The following VRK2 variants were observed in gnomAD, a reference collection of about 807,000 sequenced individuals.
VRK2 encodes VRK serine/threonine kinase 2.
A neutral mutation model predicts 57.6 loss-of-function variants in VRK2; 60 were observed. That is an observed-to-expected ratio of 1.04 (90% CI 0.85 to 1.29). The LOEUF (loss-of-function observed/expected upper bound fraction) is 1.29. VRK2 is among the 50% of genes most tolerant of loss of function. The pLI, the probability that VRK2 is intolerant of heterozygous loss-of-function variation, is 0.00. For synonymous variants in VRK2, 231 were observed against 199.2 expected (o/e 1.16, Z -1.35); for missense variants, 705 against 588.1 (o/e 1.20, Z -2.06).
chr2:58,032,223 T>A (rs1186771801), intron 2 of VRK2, among the ~76,000 whole-genome samples: 3 of 152,088 alleles, frequency 2.0e-5, no homozygotes, highest in Non-Finnish European at 2.9e-5. Context: ...TAGGTTTTAG[T>A]TGATCTAAGT....
chr2:58,140,451 T>C (rs1323537306), intron 11 of VRK2, among the ~76,000 whole-genome samples: 1 of 152,048 alleles, frequency 6.6e-6, no homozygotes, highest in East Asian at 1.9e-4. Context: ...TTAGCAAGAA[T>C]AGTGGACAGG....
At chr2:58,123,071 A>G (rs1314449825) in intron 7 of VRK2, 30 bp from the exon 8 acceptor site, 15 of 1,584,200 alleles carry the variant, frequency 9.5e-6, no homozygotes, top group Non-Finnish European at 1.2e-5. Context: ...GGACAAAGGC[A>G]TTATTCATTT....
At chr2:58,159,913 T>G, downstream of VRK2, 2 of 1,542,182 alleles carry the variant, frequency 1.3e-6, no homozygotes, top group Non-Finnish European at 1.7e-6. Flanking sequence ...TGGAAAACAC[T>G]TCTGAAGTTT....
intron 9 of VRK2, among the ~76,000 whole-genome samples, chr2:58,132,319 A>G (rs1026349103): frequency 6.6e-6 from 1 of 152,206 alleles, no homozygotes; most frequent in African/African-American, 2.4e-5. Flanking sequence ...AAATGGGACA[A>G]ATAGGGCTTA....
chr2:58,099,130 C>T (rs930452387), intron 7 of VRK2, among the ~76,000 whole-genome samples: 2 of 151,930 alleles, frequency 1.3e-5, no homozygotes, highest in African/African-American at 4.8e-5. Flanking sequence ...AGTGGTGTTT[C>T]GAGTAATGCC....
chr2:58,120,184 C>CTTTTTGTTT (rs1677219372), intron 7 of VRK2, among the ~76,000 whole-genome samples: 1 of 51,988 alleles, frequency 1.9e-5, no homozygotes, highest in African/African-American at 1.0e-4. Context: ...TTTTTCTTTT[C>CTTTTTGTTT]TTTTTTTTTT....
intron 1 of VRK2, among the ~76,000 whole-genome samples, chr2:57,921,737 G>T (rs897266693): frequency 6.6e-6 from 1 of 151,988 alleles, no homozygotes; most frequent in African/African-American, 2.4e-5. Flanking sequence ...TTTTTGTTAG[G>T]ATTCTAAAAC....
At chr2:57,926,502 AGTGTGTGTATATATATAGTGT>A (rs1670541205) in intron 1 of VRK2, among the ~76,000 whole-genome samples, 1 of 149,322 alleles carries the variant, frequency 6.7e-6, no homozygotes, top group African/African-American at 2.5e-5. Flanking sequence ...ATATATATAT[AGTGTGTGTATATATATAGTGT>A]GTGTGTGTAT....
At chr2:57,960,055 T>G (rs1269769106) in intron 1 of VRK2, among the ~76,000 whole-genome samples, 1 of 8,538 alleles carries the variant, frequency 1.2e-4, no homozygotes. Flanking sequence ...GTGTGTGTTG[T>G]GGGGCGGGGG....
At chr2:57,930,078 C>T (rs1670669141) in intron 1 of VRK2, among the ~76,000 whole-genome samples, 2 of 152,106 alleles carry the variant, frequency 1.3e-5, no homozygotes, top group African/African-American at 4.8e-5. Flanking sequence ...TGGTGTCTCA[C>T]TAAGTTGTGG....
Position 58,050,078 on chromosome 2 carries a change from T to G in VRK2, c.136+1111T>G, listed in dbSNP as rs7588152. Among the ~76,000 whole-genome samples, 86 of 152,318 alleles carry G rather than the reference T, an allele frequency of 5.6e-4. 1 individual carries two copies. Among genetic ancestry groups the G allele is most frequent in the African/African-American group, 1.9e-3 (80 of 41,578 alleles). On this transcript the variant is annotated intron_variant, in intron 2 of 12. Transcript: ENST00000340157. ...TTATTAAGTGCTAGATTGAATGACA[T>G]AGTCAACACTGTTCAATAGAAATGT...
chr2:58,156,999 A>G (rs1044824811), intron 12 of VRK2, among the ~76,000 whole-genome samples: 1 of 152,150 alleles, frequency 6.6e-6, no homozygotes, highest in Non-Finnish European at 1.5e-5. Flanking sequence ...TCTGGCAGAC[A>G]GTTAACTTAC....
chr2:58,090,526 C>T (rs541831345), intron 7 of VRK2, among the ~76,000 whole-genome samples: 13 of 151,706 alleles, frequency 8.6e-5, no homozygotes, highest in African/African-American at 1.2e-4. Flanking sequence ...GTACTTAAAA[C>T]GTGGTCAGTA....
intron 1 of VRK2, among the ~76,000 whole-genome samples, chr2:57,919,458 G>T (rs1043137432): frequency 6.6e-6 from 1 of 152,038 alleles, no homozygotes; most frequent in African/African-American, 2.4e-5. Context: ...GCAATTGTCA[G>T]TCACTTTTTC....
Position 57,936,526 on chromosome 2 carries a change from T to G in VRK2, c.-439+28687T>G, listed in dbSNP as rs551444069. Among the ~76,000 whole-genome samples the G allele has an allele frequency of 4.7e-5, 7 of 148,268 alleles. 1 individual carries two copies. Among genetic ancestry groups the G allele is most frequent in the African/African-American group, 7.7e-5 (3 of 39,134 alleles). On this transcript the variant is annotated intron_variant, in intron 1 of 15. Transcript: ENST00000417641. ...TTTTTTTGTTTTGTTTTGTTTTGTT[T>G]TTTTGTTTTTTTTTTTTTGAGATAG...
intron 7 of VRK2, among the ~76,000 whole-genome samples, chr2:58,096,793 G>A (rs750532013): frequency 7.3e-5 from 11 of 151,012 alleles, no homozygotes; most frequent in Non-Finnish European, 1.2e-4. Context: ...TCTCCAATTG[G>A]ATGTCCCTCC....
At position 57,964,471 on chromosome 2, in the gene VRK2, A is replaced by T. The variant is rs558470042; in HGVS notation, c.-439+56632A>T. 8.0e-4 allele frequency among the ~76,000 whole-genome samples: 122 copies of T among 152,228 alleles called. 1 individual carries two copies. Among genetic ancestry groups the T allele is most frequent in the African/African-American group, 2.8e-3 (115 of 41,540 alleles). On this transcript the variant is annotated intron_variant, in intron 1 of 15. Coordinates refer to the VRK2 transcript ENST00000417641. ...GGAAGGGATGGAGGAGGTAGAAGGG[A>T]GACAGGAAAGGCAGGCACACTCACA...
chr2:58,159,495 G>C lies in VRK2; in HGVS notation c.1329G>C (p.Lys443Asn). The change falls in exon 13 of 13, where the codon AAG becomes AAC. Residue 443 changes from lysine (K) to asparagine (N), a missense_variant. By Grantham distance (94) the Lys-to-Asn change is moderately conservative. Coordinates refer to ENST00000340157, the MANE Select transcript of VRK2 (RefSeq NM_006296.7). ...HQDFTSPDIFKKSRSPSWYKY... is the reference protein window; with the variant it reads ...HQDFTSPDIFNKSRSPSWYKY... ...ATTTTACCAGTCCAGATATATTCAA[G>C]AAGTCAAGATCTCCATCTTGGTATA... is the stretch of plus-strand genomic sequence containing the variant. 1 of 1,613,634 alleles carries C rather than the reference G, an allele frequency of 6.2e-7. No individual in the cohort carries two copies. Among genetic ancestry groups the C allele is most frequent in the Non-Finnish European group, 8.5e-7 (1 of 1,179,740 alleles).
chr2:58,121,155 T>A (rs1323802998), intron 7 of VRK2, among the ~76,000 whole-genome samples: 2 of 152,206 alleles, frequency 1.3e-5, no homozygotes, highest in Admixed American at 1.3e-4. Flanking sequence ...AAAATGGAGA[T>A]AAGGGGACTT....
Sources: allele counts gnomAD v4.1 joint callset (sites outside exome capture counted in the v4.1 genomes callset), GRCh38; gene constraint gnomAD v4.1.1; transcripts MANE v1.5; gene names NCBI Gene and HGNC (gene_info 2026-07-23, HGNC 2026-07-21).